Variants in GSE1 observed in about 807,000 individuals in gnomAD.
GSE1 encodes the protein Gse1 coiled-coil protein.
Under a neutral mutation model 112.6 loss-of-function variants are expected in GSE1, and 32 were observed. That is an observed-to-expected ratio of 0.28 (90% CI 0.21 to 0.38). The LOEUF (loss-of-function observed/expected upper bound fraction) is 0.38, where lower values mean the gene tolerates loss of function less well. Among genes scored for constraint, GSE1 ranks in the 10% least tolerant of loss-of-function variants. The probability of loss-of-function intolerance (pLI) is 1.00; values close to 1 mark genes in which losing one functional copy is unlikely to be tolerated. For synonymous variants in GSE1, 1,115 were observed against 735.6 expected, an observed-to-expected ratio of 1.52 and a Z score of -8.35; for missense variants, 2,348 against 1,699.2, an observed-to-expected ratio of 1.38 and a Z score of -6.71.
chr16:85,347,545 C>T (rs546692317), intron 1 of GSE1, among the ~76,000 whole-genome samples: 1 of 152,174 alleles, frequency 6.6e-6, no homozygotes, highest in South Asian at 2.1e-4. Flanking sequence ...ATGGATGGAT[C>T]CCCGCTTTCT....
At chr16:85,376,382 C>G (rs997391036) in intron 2 of GSE1, among the ~76,000 whole-genome samples, 1 of 152,260 alleles carries the variant, frequency 6.6e-6, no homozygotes, top group Non-Finnish European at 1.5e-5. Flanking sequence ...TGTTGGAACC[C>G]TGCCCTTCTG....
chr16:85,501,633 A>T (rs570275236), intron 2 of GSE1, among the ~76,000 whole-genome samples: 8 of 149,782 alleles, frequency 5.3e-5, no homozygotes, highest in African/African-American at 1.7e-4. Context: ...GGCCTCGGCA[A>T]CCCTCCCACC....
chr16:85,325,419 T>C (rs1201577367), intron 1 of GSE1, among the ~76,000 whole-genome samples: 1 of 152,032 alleles, frequency 6.6e-6, no homozygotes, highest in Non-Finnish European at 1.5e-5. Context: ...AATTGAGTCC[T>C]GTGATCTGAT....
chr16:85,263,481 C>G (rs1436949599), intron 1 of GSE1, among the ~76,000 whole-genome samples: 1 of 152,062 alleles, frequency 6.6e-6, no homozygotes, highest in Non-Finnish European at 1.5e-5. Context: ...GGTCTAGGCC[C>G]AAATGGACTT....
intron 1 of GSE1, among the ~76,000 whole-genome samples, chr16:85,182,978 C>G (rs1374389441): frequency 6.6e-6 from 1 of 152,132 alleles, no homozygotes; most frequent in Non-Finnish European, 1.5e-5. Flanking sequence ...GCAAACCCAC[C>G]CACACACTTG....
intron 1 of GSE1, among the ~76,000 whole-genome samples, chr16:85,250,730 G>A (rs1906377858): frequency 6.6e-6 from 1 of 152,080 alleles, no homozygotes; most frequent in South Asian, 2.1e-4. Context: ...TGGTTTTGAG[G>A]ATATTCACAG....
At chr16:85,362,370 C>T (rs1021033870) in intron 2 of GSE1, among the ~76,000 whole-genome samples, 1 of 152,212 alleles carries the variant, frequency 6.6e-6, no homozygotes, top group African/African-American at 2.4e-5. Context: ...GAACAGGCTT[C>T]CCTAGAACAA....
exon 1 of GSE1, chr16:85,171,420 C>T: frequency 4.1e-6 from 4 of 985,608 alleles, no homozygotes; most frequent in Non-Finnish European, 3.6e-6. Flanking sequence ...ACCCGCCTGC[C>T]CCTCGTGCCA....
At chr16:85,304,602 G>GGGGA (rs1555557428) in intron 1 of GSE1, among the ~76,000 whole-genome samples, 11 of 29,570 alleles carry the variant, frequency 3.7e-4, no homozygotes, top group Non-Finnish European at 1.0e-3. Flanking sequence ...AGCCGGGGGC[G>GGGGA]GGGGGGTGGG....
intron 2 of GSE1, among the ~76,000 whole-genome samples, chr16:85,492,087 C>G (rs1161434042): frequency 1.3e-5 from 2 of 152,216 alleles, no homozygotes; most frequent in African/African-American, 2.4e-5. Context: ...ACTGGACACG[C>G]CCGCCCCTCC....
chr16:85,309,151 G>T (rs1303930535), intron 1 of GSE1, among the ~76,000 whole-genome samples: 2 of 151,820 alleles, frequency 1.3e-5, no homozygotes, highest in Non-Finnish European at 2.9e-5. Context: ...CCGCCCACAG[G>T]AAACAGAATG....
intron 1 of GSE1, among the ~76,000 whole-genome samples, chr16:85,622,118 T>C (rs1380828733): frequency 6.6e-6 from 1 of 152,166 alleles, no homozygotes; most frequent in Non-Finnish European, 1.5e-5. Flanking sequence ...GTTGACAGGA[T>C]GATTGTGGCC....
In GSE1 at chr16:85,513,500, C is replaced by T. The variant is rs556532169; in HGVS notation, c.2465-120414C>T. Among the ~76,000 whole-genome samples, 11 of 152,134 alleles carry T rather than the reference C, an allele frequency of 7.2e-5. No homozygotes were observed. In the South Asian group the frequency reaches 8.3e-4, roughly 11 times the overall value. On this transcript the variant is annotated intron_variant, in intron 2 of 2. Coordinates refer to the GSE1 transcript ENST00000637419. Reference sequence around the variant, plus strand: ...TGCAGGCTACCCCCCTCACCGCTCACGCACCCAACGTCCTCTCTTCTCTTC... The same window carrying T: ...TGCAGGCTACCCCCCTCACCGCTCATGCACCCAACGTCCTCTCTTCTCTTC...
intron 2 of GSE1, among the ~76,000 whole-genome samples, chr16:85,519,272 T>C (rs2052058961): frequency 7.4e-6 from 1 of 134,334 alleles, no homozygotes; most frequent in South Asian, 2.6e-4. Context: ...ATCACTATCA[T>C]CATCACCATC....
chr16:85,567,052 A>ACCCCCC (rs2045784477), intron 1 of GSE1, among the ~76,000 whole-genome samples: 1 of 66,630 alleles, frequency 1.5e-5, no homozygotes, highest in Non-Finnish European at 3.5e-5. Flanking sequence ...CCCCACCCCC[A>ACCCCCC]CCCCCACCCC....
At chr16:85,289,858 G>C (rs1012158157) in intron 1 of GSE1, among the ~76,000 whole-genome samples, 1 of 152,152 alleles carries the variant, frequency 6.6e-6, no homozygotes, top group East Asian at 1.9e-4. Flanking sequence ...GAAAACCACG[G>C]TTTTACTCAG....
intron 2 of GSE1, among the ~76,000 whole-genome samples, chr16:85,636,808 G>T (rs963168144): frequency 9.9e-5 from 15 of 152,172 alleles, no homozygotes; most frequent in Non-Finnish European, 1.0e-4. Context: ...GGGAGCTGGC[G>T]TTGGGCGCAC....
At chr16:85,629,905 G>A (rs943070189) in intron 1 of GSE1, among the ~76,000 whole-genome samples, 2 of 152,234 alleles carry the variant, frequency 1.3e-5, no homozygotes, top group African/African-American at 4.8e-5. Flanking sequence ...GCAGCTCAGT[G>A]GCTTAAACAC....
At chr16:85,659,239 G>C (rs2052226888) in intron 8 of GSE1, 1 of 152,284 alleles carries the variant, frequency 6.6e-6, no homozygotes, top group African/African-American at 2.4e-5. Flanking sequence ...TCCCGGGGCA[G>C]GCTAGAGATC....
Sources: gnomAD v4.1 joint callset for allele counts (sites outside exome capture counted in the v4.1 genomes callset) on GRCh38, gnomAD v4.1.1 for gene constraint, MANE v1.5 for transcripts, NCBI Gene and HGNC (gene_info 2026-07-23, HGNC 2026-07-21) for gene names.